GSDMC: variants seen among roughly 807,000 people sequenced by gnomAD.
The protein encoded by GSDMC is gasdermin C.
In GSDMC, 59 loss-of-function variants were observed where a neutral mutation model predicts 58.0. The observed-to-expected ratio is 1.02, with a 90% CI of 0.82 to 1.26. The LOEUF is 1.26. Ranked by LOEUF, GSDMC falls within the 50% of genes most tolerant of loss-of-function variation. The probability of loss-of-function intolerance (pLI) is 0.00; values close to 1 mark genes in which losing one functional copy is unlikely to be tolerated. For missense variants in GSDMC, 659 were observed against 598.5 expected (o/e 1.10, Z -1.06); for synonymous variants, 241 against 220.2 (o/e 1.09, Z -0.83).
At chr8:129,762,038 C>T (rs1373535922) in intron 5 of GSDMC, among the ~76,000 whole-genome samples, 1 of 152,190 alleles carries the variant, frequency 6.6e-6, no homozygotes, top group Non-Finnish European at 1.5e-5. Flanking sequence ...GTGTTCCCAG[C>T]ACTCACTGTC....
chr8:129,754,310 A>AGG (rs397701547), intron 6 of GSDMC, among the ~76,000 whole-genome samples: 2 of 151,144 alleles, frequency 1.3e-5, no homozygotes, highest in Admixed American at 1.3e-4. Context: ...AGAGAGAGAG[A>AGG]CCCCATTTGT....
At chr8:129,719,088 C>A in the GSDMC span, among the ~76,000 whole-genome samples, 2 of 151,992 alleles carry the variant, frequency 1.3e-5, no homozygotes, top group Non-Finnish European at 2.9e-5. Flanking sequence ...ATGTAGATGA[C>A]GAGTTGATGG....
intron 3 of GSDMC, among the ~76,000 whole-genome samples, chr8:129,769,686 A>G (rs1306624015): frequency 6.6e-6 from 1 of 152,204 alleles, no homozygotes; most frequent in Non-Finnish European, 1.5e-5. Flanking sequence ...TTATGGCCCA[A>G]TCACCTCTTA....
chr8:129,728,334 C>G, the GSDMC span, among the ~76,000 whole-genome samples: 1 of 152,188 alleles, frequency 6.6e-6, no homozygotes, highest in Non-Finnish European at 1.5e-5. Flanking sequence ...CAGAGGAGTC[C>G]TCTGCTACAC....
the GSDMC span, among the ~76,000 whole-genome samples, chr8:129,738,234 T>G: frequency 1.3e-5 from 2 of 152,198 alleles, no homozygotes; most frequent in Non-Finnish European, 2.9e-5. Context: ...GTAAACTAGT[T>G]CAACCATTGT....
In GSDMC at chr8:129,779,657, A is replaced by G. The variant is rs1438920355; in HGVS notation, c.-4-2066T>C. Among the ~76,000 whole-genome samples, 5 of 151,860 alleles carry G rather than the reference A, an allele frequency of 3.3e-5. No individual in the cohort carries two copies. In the East Asian group the frequency reaches 9.6e-4, roughly 29 times the overall value. Reference sequence around the variant, plus strand: ...ATATATATAATTAAAAAAAAGAAAGAAAATGTAAGTCACCAGTCCAGGAAG... The same window carrying G: ...ATATATATAATTAAAAAAAAGAAAGGAAATGTAAGTCACCAGTCCAGGAAG... On this transcript the variant is annotated intron_variant, in intron 1 of 13. Coordinates refer to ENST00000276708, the MANE Select transcript of GSDMC (RefSeq NM_031415.3).
At position 129,786,321 on chromosome 8, in the gene GSDMC, CAA is replaced by C. The variant is rs747387114; in HGVS notation, c.-317_-316del. ...CACTCCAGCCTGGGCAACTCCGTCT[CAA>C]AAAAAAAAAAAAGAGAGAAAAATAG... On this transcript the variant is annotated 5_prime_UTR_variant, in exon 1 of 14. Transcript: ENST00000276708. 9 of 131,664 alleles carry C rather than the reference CAA, an allele frequency of 6.8e-5. No homozygotes were observed. Among genetic ancestry groups the C allele is most frequent in the East Asian group, 4.3e-4 (2 of 4,626 alleles). 8.2% of individuals were successfully genotyped at this position (131,664 alleles called of 1,614,324 possible). A position where few individuals can be genotyped will look rare whatever the true frequency, so the allele number is the denominator to read the frequency against.
At chr8:129,742,332 T>A in the GSDMC span, among the ~76,000 whole-genome samples, 3 of 152,156 alleles carry the variant, frequency 2.0e-5, no homozygotes, top group African/African-American at 7.2e-5. Flanking sequence ...CTTGATGGAA[T>A]CATCCCCTAT....
the GSDMC span, among the ~76,000 whole-genome samples, chr8:129,712,045 C>T: frequency 5.9e-5 from 9 of 152,114 alleles, no homozygotes; most frequent in Admixed American, 2.6e-4. Context: ...TCACCTGAGC[C>T]CAGGAGTTTG....
At chr8:129,783,323 T>A (rs1052596101) in intron 1 of GSDMC, among the ~76,000 whole-genome samples, 1 of 152,164 alleles carries the variant, frequency 6.6e-6, no homozygotes, top group African/African-American at 2.4e-5. Flanking sequence ...GTGGATGATG[T>A]GGTCTTATAT....
intron 1 of GSDMC, among the ~76,000 whole-genome samples, chr8:129,781,652 G>A (rs2034417244): frequency 6.6e-6 from 1 of 152,088 alleles, no homozygotes; most frequent in African/African-American, 2.4e-5. Flanking sequence ...GGCTGAGGCA[G>A]GAGAATGGCG....
chr8:129,727,372 A>T, the GSDMC span, among the ~76,000 whole-genome samples: 1 of 152,204 alleles, frequency 6.6e-6, no homozygotes, highest in East Asian at 1.9e-4. Context: ...AATCCACCAG[A>T]ATTGTGAAGG....
the GSDMC span, among the ~76,000 whole-genome samples, chr8:129,740,359 C>A: frequency 6.6e-6 from 1 of 152,184 alleles, no homozygotes; most frequent in African/African-American, 2.4e-5. Context: ...CACTGACTCA[C>A]TCAGAGCAAC....
intron 5 of GSDMC, among the ~76,000 whole-genome samples, chr8:129,762,405 G>T (rs115890731): frequency 0.011 from 1,713 of 152,308 alleles, 28 homozygotes; most frequent in African/African-American, 0.04. Flanking sequence ...CAGACTGTCT[G>T]TATCTGTCAA....
At chr8:129,750,186 G>A (rs957233612) in intron 11 of GSDMC, 67 bp from the exon 12 acceptor site, 1 of 1,293,992 alleles carries the variant, frequency 7.7e-7, no homozygotes, top group Non-Finnish European at 1.0e-6. Context: ...ATTTGCCTGT[G>A]TCTACTGGTG....
At chr8:129,765,935 G>C in intron 3 of GSDMC, 142 bp from the exon 4 acceptor site, 1 of 623,100 alleles carries the variant, frequency 1.6e-6, no homozygotes, top group African/African-American at 1.8e-5. Context: ...TGGGTGGTAG[G>C]GCAGCAGAAT....
chr8:129,760,654 G>A (rs904634343), intron 5 of GSDMC, 65 bp from the exon 6 acceptor site: 10 of 493,908 alleles, frequency 2.0e-5, no homozygotes, highest in African/African-American at 3.7e-5. Flanking sequence ...CCTAGACCAG[G>A]GAACTCCTTA....
At chr8:129,752,083 G>T in intron 8 of GSDMC, 23 bp downstream of exon 8, 2 of 1,604,706 alleles carry the variant, frequency 1.2e-6, no homozygotes, top group Non-Finnish European at 1.7e-6. Context: ...TGTCCTGGAA[G>T]GGGAGGGCCA....
the GSDMC span, among the ~76,000 whole-genome samples, chr8:129,738,331 T>C: frequency 6.6e-6 from 1 of 152,218 alleles, no homozygotes; most frequent in Non-Finnish European, 1.5e-5. Flanking sequence ...GGATTATAAA[T>C]CATGCTATAA....
Sources: gnomAD v4.1 joint callset for allele counts (sites outside exome capture counted in the v4.1 genomes callset) on GRCh38, gnomAD v4.1.1 for gene constraint, MANE v1.5 for transcripts, NCBI Gene and HGNC (gene_info 2026-07-23, HGNC 2026-07-21) for gene names.